The following MINDY4 variants were observed in gnomAD, a reference collection of about 807,000 sequenced individuals.
The protein encoded by MINDY4 is probable ubiquitin carboxyl-terminal hydrolase MINDY-4.
Under a neutral mutation model 87.0 loss-of-function variants are expected in MINDY4, and 68 were observed. That is an observed-to-expected ratio of 0.78 (90% CI 0.64 to 0.96). The LOEUF is 0.96. Ranked by LOEUF, MINDY4 falls within the 40% of genes least tolerant of loss-of-function variation. The pLI, the probability that MINDY4 is intolerant of heterozygous loss-of-function variation, is 0.00. For synonymous variants in MINDY4, 379 were observed against 363.2 expected, an observed-to-expected ratio of 1.04 and a Z score of -0.50; for missense variants, 919 against 928.2, an observed-to-expected ratio of 0.99 and a Z score of 0.13.
At chr7:30,850,322 G>A (rs908094150) in intron 9 of MINDY4, 132 bp from the exon 10 acceptor site, 4 of 790,294 alleles carry the variant, frequency 5.1e-6, no homozygotes, top group Non-Finnish European at 8.2e-6. Flanking sequence ...CTGGGCTGCA[G>A]GTGGCCCCTC....
At chr7:30,819,892 A>ATTTTT (rs60124746) in intron 5 of MINDY4, among the ~76,000 whole-genome samples, 14 of 96,660 alleles carry the variant, frequency 1.4e-4, no homozygotes, top group South Asian at 4.0e-4. Flanking sequence ...CATATAGATA[A>ATTTTT]TTTTTTTTTT....
At chr7:30,800,361 A>G (rs1360205787) in intron 5 of MINDY4, among the ~76,000 whole-genome samples, 4 of 152,234 alleles carry the variant, frequency 2.6e-5, no homozygotes, top group Non-Finnish European at 5.9e-5. Flanking sequence ...CCAGGCTCAG[A>G]CAGCCTTTCC....
chr7:30,803,316 A>T (rs1048608196), intron 5 of MINDY4: 1 of 152,238 alleles, frequency 6.6e-6, no homozygotes, highest in East Asian at 1.9e-4. Flanking sequence ...TATTCCAATA[A>T]ATAAGAATTG....
At chr7:30,858,476 G>C (rs1018297686) in intron 12 of MINDY4, 2 of 152,196 alleles carry the variant, frequency 1.3e-5, no homozygotes, top group Non-Finnish European at 2.9e-5. Flanking sequence ...TAAATTAGGC[G>C]GTCAGGCCCC....
At chr7:30,856,325 AG>A (rs563526168) in intron 12 of MINDY4, among the ~76,000 whole-genome samples, 196 of 152,216 alleles carry the variant, frequency 1.3e-3, no homozygotes, top group African/African-American at 4.2e-3. Context: ...TTGTAATAAA[AG>A]TTTTAAAAAA....
At chr7:30,826,451 G>A (rs1392086046) in intron 5 of MINDY4, among the ~76,000 whole-genome samples, 1 of 152,150 alleles carries the variant, frequency 6.6e-6, no homozygotes, top group Non-Finnish European at 1.5e-5. Flanking sequence ...ATTAATGTGA[G>A]TTTGTTTGCC....
At chr7:30,877,894 G>A (rs1790323592) in intron 15 of MINDY4, among the ~76,000 whole-genome samples, 2 of 127,740 alleles carry the variant, frequency 1.6e-5, no homozygotes, top group South Asian at 2.5e-4. Context: ...TGGCCAGGCT[G>A]GTCTTGAACT....
chr7:30,836,564 A>G (rs550941656), intron 6 of MINDY4, 94 bp from the exon 7 acceptor site: 18 of 1,022,798 alleles, frequency 1.8e-5, no homozygotes, highest in Non-Finnish European at 2.1e-5. Context: ...CAAACCTTCT[A>G]CAAACTTAGC....
chr7:30,866,590 C>T (rs749626999), intron 13 of MINDY4, among the ~76,000 whole-genome samples: 2 of 152,080 alleles, frequency 1.3e-5, no homozygotes, highest in Admixed American at 6.5e-5. Context: ...CCTTAGGAAG[C>T]GGAGGAGAGA....
chr7:30,805,290 C>T (rs538249132), intron 5 of MINDY4, among the ~76,000 whole-genome samples: 4 of 152,160 alleles, frequency 2.6e-5, no homozygotes, highest in Non-Finnish European at 5.9e-5. Flanking sequence ...GTTGGGCAGG[C>T]AGTTAGCAGG....
At chr7:30,820,993 A>G (rs1788312691) in intron 5 of MINDY4, among the ~76,000 whole-genome samples, 1 of 152,204 alleles carries the variant, frequency 6.6e-6, no homozygotes. Flanking sequence ...GAAATTATAC[A>G]CTATGTTTTT....
At chr7:30,785,691 C>A (rs1049528708) in intron 3 of MINDY4, 58 bp from the exon 4 acceptor site, 4 of 1,596,338 alleles carry the variant, frequency 2.5e-6, no homozygotes, top group Non-Finnish European at 3.4e-6. Flanking sequence ...AATTTGCTAT[C>A]TTTGTTACTG....
intron 12 of MINDY4, among the ~76,000 whole-genome samples, chr7:30,856,954 G>A (rs779396384): frequency 2.5e-4 from 38 of 152,290 alleles, no homozygotes; most frequent in Middle Eastern, 3.4e-3. Context: ...CAAGGAAATA[G>A]GCCAGGTGGG....
chr7:30,783,627 T>TG (rs749456589), intron 3 of MINDY4, among the ~76,000 whole-genome samples: 17 of 152,240 alleles, frequency 1.1e-4, no homozygotes, highest in African/African-American at 2.9e-4. Flanking sequence ...TGAAAATCTT[T>TG]GGGGGGGTCA....
At chr7:30,891,121 T>C (rs1021825069) in intron 17 of MINDY4, among the ~76,000 whole-genome samples, 13 of 152,240 alleles carry the variant, frequency 8.5e-5, no homozygotes, top group African/African-American at 2.4e-4. Flanking sequence ...CTCTGCACTG[T>C]AGAACTGCTG....
chr7:30,829,771 C>G (rs2128563200), intron 6 of MINDY4, among the ~76,000 whole-genome samples: 1 of 152,306 alleles, frequency 6.6e-6, no homozygotes, highest in East Asian at 1.9e-4. Flanking sequence ...CATCCAAACC[C>G]TTTTTGTGCA....
At chr7:30,810,350 A>G (rs925694615) in intron 5 of MINDY4, among the ~76,000 whole-genome samples, 1 of 151,828 alleles carries the variant, frequency 6.6e-6, no homozygotes, top group Non-Finnish European at 1.5e-5. Context: ...ATTGAAAAAA[A>G]AAAAAAAGTT....
rs1787025126 is a variant in MINDY4, at chr7:30,782,177, A to T, written c.384A>T (p.Gly128=). 5 of 1,613,560 alleles carry T rather than the reference A, an allele frequency of 3.1e-6. No individual in the cohort carries two copies. The highest frequency in any genetic ancestry group is 1.3e-5 in the African/African-American group (1 of 74,914). Residue 128 remains glycine, a synonymous_variant, in exon 3 of 18, where the codon GGA becomes GGT. Transcript: ENST00000265299. ...ATGACCTTTCAGATGAAGATGCAGG[A>T]TGGAGAACATCATTGTCAGAAACAA... The part of the protein sequence containing the change: ...NIYDLSDEDA[G]WRTSLSETSK...
Position 30,882,372 on chromosome 7 carries a change from T to TCCGCCCCCCCCCCCCCCCCCCC in MINDY4, c.2152+12_2152+13insCGCCCCCCCCCCCCCCCCCCCC. 6.6e-7 allele frequency: 1 copy of TCCGCCCCCCCCCCCCCCCCCCC among 1,521,496 alleles called. No homozygotes were observed. Among genetic ancestry groups the TCCGCCCCCCCCCCCCCCCCCCC allele is most frequent in the Non-Finnish European group, 8.9e-7 (1 of 1,127,556 alleles). The allele number at this position is 1,521,496 out of a possible 1,614,324, so 94.2% of individuals were successfully genotyped here. On this transcript the variant is annotated intron_variant, in intron 16 of 17. Transcript: ENST00000265299. ...TCCGGCTGACCATTGGTGCGGGCCCTCACCCCCCCACCCACCCAACCCTGT... is the reference window on the plus strand; with the variant it reads ...TCCGGCTGACCATTGGTGCGGGCCCTCCGCCCCCCCCCCCCCCCCCCCCACCCCCCCACCCACCCAACCCTGT...
Sources: allele counts gnomAD v4.1 joint callset (sites outside exome capture counted in the v4.1 genomes callset), GRCh38; gene constraint gnomAD v4.1.1; transcripts MANE v1.5; gene names NCBI Gene and HGNC (gene_info 2026-07-23, HGNC 2026-07-21).